CRPPA: variants seen among roughly 807,000 people sequenced by gnomAD.
The protein encoded by CRPPA is D-ribitol-5-phosphate cytidylyltransferase.
In CRPPA, 43 loss-of-function variants were observed where a neutral mutation model predicts 52.0. The ratio of observed to expected loss-of-function variants is 0.83; its 90% CI spans 0.65 to 1.07. The LOEUF (loss-of-function observed/expected upper bound fraction) is 1.07, where lower values mean the gene tolerates loss of function less well. CRPPA is among the 50% of genes least tolerant of loss of function. The pLI is 0.00. For synonymous variants in CRPPA, 250 were observed against 203.5 expected (o/e 1.23, Z -1.94); for missense variants, 629 against 551.7 (o/e 1.14, Z -1.40).
chr7:16,337,955 C>G (rs568477680), intron 3 of CRPPA, among the ~76,000 whole-genome samples: 1 of 152,042 alleles, frequency 6.6e-6, no homozygotes, highest in African/African-American at 2.4e-5. Context: ...AAACTCACTC[C>G]GCCCACCCCA....
chr7:16,362,548 C>G (rs1269922142), intron 3 of CRPPA, among the ~76,000 whole-genome samples: 2 of 152,110 alleles, frequency 1.3e-5, no homozygotes, highest in African/African-American at 4.8e-5. Context: ...CACATACAAA[C>G]CATAGCAGTC....
At chr7:16,216,386 G>C in intron 8 of CRPPA, 189 bp from the exon 9 acceptor site, 1 of 433,090 alleles carries the variant, frequency 2.3e-6, no homozygotes, top group Middle Eastern at 6.2e-4. Context: ...AAACACAGAT[G>C]TAGTAAACAC....
chr7:16,089,578 T>C lies in CRPPA; in HGVS notation c.*2117A>G, dbSNP rs567210856. On this transcript the variant is annotated 3_prime_UTR_variant, in exon 10 of 10. Transcript: ENST00000407010. ...ATGTAAGTATATACATATATATGGG[T>C]ATACATGCATGTATATACATATATA... The C allele has an allele frequency of 1.0e-4, 24 of 234,130 alleles. No homozygotes were observed. Among genetic ancestry groups the C allele is most frequent in the Non-Finnish European group, 1.8e-4 (19 of 106,806 alleles). The allele number at this position is 234,130 out of a possible 1,614,324, so 14.5% of individuals were successfully genotyped here.
chr7:16,209,079 G>A (rs1356302589), intron 9 of CRPPA: 1 of 385,214 alleles, frequency 2.6e-6, no homozygotes, highest in Non-Finnish European at 5.2e-6. Flanking sequence ...ACAGATAGCA[G>A]GGTGGCTCTG....
chr7:16,388,745 G>C (rs893859585), intron 2 of CRPPA, among the ~76,000 whole-genome samples: 1 of 152,068 alleles, frequency 6.6e-6, no homozygotes, highest in Admixed American at 6.6e-5. Context: ...GCATGGTGGT[G>C]CATGGCTGTA....
chr7:16,290,993 T>C (rs1455156579), intron 5 of CRPPA, among the ~76,000 whole-genome samples: 1 of 151,954 alleles, frequency 6.6e-6, no homozygotes, highest in East Asian at 1.9e-4. Flanking sequence ...TCTTACAAGA[T>C]GACACACAAA....
intron 9 of CRPPA, among the ~76,000 whole-genome samples, chr7:16,190,266 T>C (rs1781581261): frequency 6.6e-6 from 1 of 152,176 alleles, no homozygotes; most frequent in African/African-American, 2.4e-5. Flanking sequence ...AGAGCTAAAC[T>C]AGAAAGCTAT....
At chr7:16,279,763 G>A (rs907668820) in intron 5 of CRPPA, among the ~76,000 whole-genome samples, 3 of 152,178 alleles carry the variant, frequency 2.0e-5, no homozygotes, top group African/African-American at 7.2e-5. Flanking sequence ...ACATTTTAAT[G>A]TGTATTGAGG....
At chr7:16,381,892 C>A (rs1270598522) in intron 2 of CRPPA, among the ~76,000 whole-genome samples, 1 of 152,118 alleles carries the variant, frequency 6.6e-6, no homozygotes, top group Non-Finnish European at 1.5e-5. Context: ...TGTCTCTGCA[C>A]ATGAGATGGG....
intron 9 of CRPPA, among the ~76,000 whole-genome samples, chr7:16,187,015 G>C (rs780601011): frequency 6.6e-6 from 1 of 152,098 alleles, no homozygotes; most frequent in East Asian, 1.9e-4. Context: ...AAGTATTTAA[G>C]TGAAAGTTCC....
intron 2 of CRPPA, among the ~76,000 whole-genome samples, chr7:16,388,302 T>TAA (rs745789231): frequency 1.4e-5 from 2 of 143,874 alleles, no homozygotes; most frequent in Admixed American, 7.0e-5. Flanking sequence ...AAATTAATAC[T>TAA]AAAAAAAAAA....
chr7:16,216,026 T>C (rs749186054), intron 9 of CRPPA, 40 bp downstream of exon 9: 1 of 1,478,942 alleles, frequency 6.8e-7, no homozygotes, highest in Admixed American at 2.2e-5. Flanking sequence ...TTAAAACTAG[T>C]CTACAGAACA....
At chr7:16,421,009 C>T in intron 1 of CRPPA, 57 bp downstream of exon 1, 2 of 1,250,816 alleles carry the variant, frequency 1.6e-6, no homozygotes, top group Non-Finnish European at 2.0e-6. Context: ...AGCGGCAGGG[C>T]GGGGAGCGGG....
chr7:16,201,490 A>G (rs1463537770), intron 9 of CRPPA, among the ~76,000 whole-genome samples: 2 of 151,900 alleles, frequency 1.3e-5, no homozygotes, highest in East Asian at 3.9e-4. Context: ...GCCCATAAAA[A>G]CCCTGGACTC....
At chr7:16,102,137 C>T (rs1420983492) in intron 9 of CRPPA, among the ~76,000 whole-genome samples, 1 of 152,108 alleles carries the variant, frequency 6.6e-6, no homozygotes, top group African/African-American at 2.4e-5. Context: ...AAACAGAGAC[C>T]TCAGAAATAA....
chr7:16,092,055 G>C (rs1183577289), intron 9 of CRPPA, among the ~76,000 whole-genome samples: 1 of 152,186 alleles, frequency 6.6e-6, no homozygotes, highest in Admixed American at 6.5e-5. Context: ...CTAACAGAAA[G>C]AAAAGATTAT....
intron 3 of CRPPA, among the ~76,000 whole-genome samples, chr7:16,353,154 G>C (rs374649482): frequency 1.3e-5 from 2 of 151,712 alleles, no homozygotes; most frequent in South Asian, 2.1e-4. Context: ...CCAGGAGTTC[G>C]AGACCAGTCT....
intron 8 of CRPPA, among the ~76,000 whole-genome samples, chr7:16,223,656 A>T (rs1320095067): frequency 6.6e-6 from 1 of 152,188 alleles, no homozygotes; most frequent in Admixed American, 6.5e-5. Context: ...GTTCTAGGAA[A>T]AAAATTCAGT....
At chr7:16,410,010 A>G (rs1385303782) in intron 1 of CRPPA, among the ~76,000 whole-genome samples, 1 of 152,222 alleles carries the variant, frequency 6.6e-6, no homozygotes, top group Non-Finnish European at 1.5e-5. Context: ...AGTCTCAAGG[A>G]CTGTGAAAAC....
Sources: gnomAD v4.1 joint callset for allele counts (sites outside exome capture counted in the v4.1 genomes callset) on GRCh38, gnomAD v4.1.1 for gene constraint, MANE v1.5 for transcripts, NCBI Gene and HGNC (gene_info 2026-07-23, HGNC 2026-07-21) for gene names.